GNAI3: variants seen among roughly 807,000 people sequenced by gnomAD.
GNAI3 encodes the protein G protein subunit alpha i3.
In GNAI3, 12 loss-of-function variants were observed where a neutral mutation model predicts 41.8. The observed-to-expected ratio is 0.29, with a 90% CI of 0.18 to 0.47. The LOEUF (loss-of-function observed/expected upper bound fraction) is 0.47, where lower values mean the gene tolerates loss of function less well. Ranked by LOEUF, GNAI3 falls within the 20% of genes least tolerant of loss-of-function variation. GNAI3 has a pLI of 1.00. For synonymous variants in GNAI3, 132 were observed against 146.5 expected (o/e 0.90, Z 0.71); for missense variants, 360 against 429.6 (o/e 0.84, Z 1.43).
chr1:109,584,407 T>A (rs920534456), intron 5 of GNAI3, among the ~76,000 whole-genome samples: 1 of 152,250 alleles, frequency 6.6e-6, no homozygotes, highest in Non-Finnish European at 1.5e-5. Flanking sequence ...AATCTACTTA[T>A]AATTAAAAGT....
In GNAI3 at chr1:109,592,406, C is replaced by T; in HGVS notation, c.*84C>T. 1 of 499,510 alleles carries T rather than the reference C, an allele frequency of 2.0e-6. No individual in the cohort carries two copies. Among genetic ancestry groups the T allele is most frequent in the South Asian group, 3.7e-5 (1 of 26,810 alleles). The allele number at this position is 499,510 out of a possible 1,614,324, so 30.9% of individuals were successfully genotyped here. ...TGCTGTCTCATGGGGCAGCTACAAG[C>T]ATGAACGGGACCAGGGAATGGCAGC... On this transcript the variant is annotated 3_prime_UTR_variant, in exon 9 of 9. Transcript: ENST00000369851.
chr1:109,587,819 G>T (rs189433061), intron 7 of GNAI3, among the ~76,000 whole-genome samples: 1 of 152,136 alleles, frequency 6.6e-6, no homozygotes, highest in Non-Finnish European at 1.5e-5. Flanking sequence ...TAGGGGATTT[G>T]AATTAGTAAG....
intron 7 of GNAI3, among the ~76,000 whole-genome samples, chr1:109,587,118 C>T (rs7355073): frequency 0.28 from 42,192 of 151,724 alleles, 7,050 homozygotes; most frequent in African/African-American, 0.47. Context: ...GAGGAAAATA[C>T]AAAAGGAGAA....
rs140596336 is a variant in GNAI3 at position 109,575,276 on chromosome 1, T to C, written c.303+1239T>C. On this transcript the variant is annotated intron_variant, in intron 3 of 8. Coordinates refer to ENST00000369851, the MANE Select transcript of GNAI3 (RefSeq NM_006496.4). ...TCCTTCTTTTCCTCTTTTTCTTCTT[T>C]ATACCAGCTCTATCTGTGGTCTTAT... Among the ~76,000 whole-genome samples the C allele has an allele frequency of 2.3e-4, 35 of 152,220 alleles. No homozygotes were observed. In the East Asian group the frequency reaches 6.6e-3, roughly 29 times the overall value.
rs916825006 is a variant in GNAI3 at position 109,548,877 on chromosome 1, G to T, written c.118+39G>T. The T allele has an allele frequency of 3.0e-6, 4 of 1,349,938 alleles. No individual in the cohort carries two copies. In the African/African-American group the frequency reaches 5.7e-5, roughly 19 times the overall value. 83.6% of individuals were successfully genotyped at this position (1,349,938 alleles called of 1,614,324 possible). A position where few individuals can be genotyped will look rare whatever the true frequency, so the allele number is the denominator to read the frequency against. ...GGCGGGGACTGAGTGGTGGTCGGGA[G>T]AGCCTAGGCGCTTGGAAGGCCTGAA... On this transcript the variant is annotated intron_variant, in intron 1 of 8. Coordinates refer to ENST00000369851, the MANE Select transcript of GNAI3 (RefSeq NM_006496.4).
At chr1:109,588,632 T>C (rs895109755) in intron 7 of GNAI3, among the ~76,000 whole-genome samples, 12 of 151,128 alleles carry the variant, frequency 7.9e-5, no homozygotes, top group African/African-American at 1.9e-4. Context: ...CAGTGGCTCA[T>C]GCCTGTAATC....
chr1:109,581,344 T>TA (rs1261159128), intron 4 of GNAI3, among the ~76,000 whole-genome samples: 1 of 152,026 alleles, frequency 6.6e-6, no homozygotes, highest in Non-Finnish European at 1.5e-5. Flanking sequence ...AAAATATTCT[T>TA]ACTCACTATA....
chr1:109,580,565 C>T (rs74113942), intron 4 of GNAI3, among the ~76,000 whole-genome samples: 2,045 of 152,176 alleles, frequency 0.013, 60 homozygotes, highest in African/African-American at 0.046. Context: ...GTAGAGTATG[C>T]GTACACAGAA....
intron 1 of GNAI3, among the ~76,000 whole-genome samples, chr1:109,559,123 C>T (rs879724839): frequency 5.3e-5 from 8 of 151,374 alleles, no homozygotes; most frequent in Admixed American, 2.0e-4. Flanking sequence ...GGTTGCAGCG[C>T]GCTGAGATTG....
chr1:109,586,601 T>C, intron 6 of GNAI3, 128 bp from the exon 7 acceptor site: 1 of 725,214 alleles, frequency 1.4e-6, no homozygotes, highest in Non-Finnish European at 2.3e-6. Context: ...CAACTTTATC[T>C]TATTGGTGTT....
intron 7 of GNAI3, among the ~76,000 whole-genome samples, chr1:109,588,789 A>G (rs910701120): frequency 6.6e-6 from 1 of 152,060 alleles, no homozygotes; most frequent in East Asian, 1.9e-4. Context: ...GCTACTCGGG[A>G]GGCTGAGGCA....
chr1:109,576,569 A>G (rs1332606170), intron 3 of GNAI3, among the ~76,000 whole-genome samples: 6 of 150,096 alleles, frequency 4.0e-5, no homozygotes, highest in Non-Finnish European at 8.9e-5. Flanking sequence ...CCCAGGCTGG[A>G]GTGCAATGGT....
At position 109,595,589 on chromosome 1, in the gene GNAI3, C is replaced by T. The variant is rs1022661861; in HGVS notation, c.*3267C>T. 11 of 151,868 alleles carry T rather than the reference C, an allele frequency of 7.2e-5. No individual in the cohort carries two copies. The highest frequency in any genetic ancestry group is 1.5e-5 in the Non-Finnish European group (1 of 67,994). 9.4% of individuals were successfully genotyped at this position (151,868 alleles called of 1,614,324 possible). The stretch of plus-strand genomic sequence containing the variant: ...CTGGTTTTTGTAATTCATTCATTCA[C>T]CCTATATTCTTATATTCTGCTCATT... On this transcript the variant is annotated 3_prime_UTR_variant, in exon 9 of 9. Coordinates refer to ENST00000369851, the MANE Select transcript of GNAI3 (RefSeq NM_006496.4).
At chr1:109,564,773 T>G (rs1648407236) in intron 1 of GNAI3, among the ~76,000 whole-genome samples, 2 of 152,180 alleles carry the variant, frequency 1.3e-5, no homozygotes, top group Non-Finnish European at 2.9e-5. Flanking sequence ...GAAGTAGGGA[T>G]TTTTATAGAA....
chr1:109,589,124 A>G (rs565934349), intron 7 of GNAI3, among the ~76,000 whole-genome samples: 3 of 152,314 alleles, frequency 2.0e-5, no homozygotes, highest in African/African-American at 7.2e-5. Flanking sequence ...TAGTGAAAAC[A>G]TGGAAATGGG....
chr1:109,598,295 T>A lies in GNAI3; in HGVS notation c.*5973T>A, dbSNP rs1649364403. 6.6e-6 allele frequency: 1 copy of A among 152,288 alleles called. No individual in the cohort carries two copies. The highest frequency in any genetic ancestry group is 2.1e-4 in the South Asian group (1 of 4,824). The allele number at this position is 152,288 out of a possible 1,614,324, so 9.4% of individuals were successfully genotyped here. A position where few individuals can be genotyped will look rare whatever the true frequency, so the allele number is the denominator to read the frequency against. On this transcript the variant is annotated 3_prime_UTR_variant, in exon 9 of 9. Coordinates refer to ENST00000369851, the MANE Select transcript of GNAI3 (RefSeq NM_006496.4). ...ATAAAGGTCCTGAGACCTCTCAGAA[T>A]CTTACGAGGTTGGAGAGTTGTTTGG...
intron 1 of GNAI3, 93 bp downstream of exon 1, chr1:109,548,931 C>A: frequency 1.2e-6 from 1 of 818,202 alleles, no homozygotes; most frequent in Non-Finnish European, 2.1e-6. Context: ...ACGGAAAGGA[C>A]CCTAAAGGGA....
intron 1 of GNAI3, among the ~76,000 whole-genome samples, chr1:109,555,981 T>G: frequency 6.7e-6 from 1 of 149,902 alleles, no homozygotes; most frequent in Admixed American, 6.7e-5. Flanking sequence ...TGTGTGTGTG[T>G]GTGTGTGTGT....
intron 3 of GNAI3, among the ~76,000 whole-genome samples, chr1:109,578,406 G>T (rs1648806519): frequency 6.7e-6 from 1 of 149,114 alleles, no homozygotes; most frequent in Non-Finnish European, 1.5e-5. Flanking sequence ...GGAGGCGGAG[G>T]TTACAAGGAG....
Sources: allele counts gnomAD v4.1 joint callset (sites outside exome capture counted in the v4.1 genomes callset), GRCh38; gene constraint gnomAD v4.1.1; transcripts MANE v1.5; gene names NCBI Gene and HGNC (gene_info 2026-07-23, HGNC 2026-07-21).